TTC7B: variants seen among roughly 807,000 people sequenced by gnomAD.
TTC7B encodes the protein tetratricopeptide repeat domain 7B, also known as tetratricopeptide repeat protein 7B.
Under a neutral mutation model 106.8 loss-of-function variants are expected in TTC7B, and 28 were observed. That is an observed-to-expected ratio of 0.26 (90% confidence interval 0.19 to 0.36). The LOEUF (loss-of-function observed/expected upper bound fraction) is 0.36. Ranked by LOEUF, TTC7B falls within the 10% of genes least tolerant of loss-of-function variation. The pLI, the probability that TTC7B is intolerant of heterozygous loss-of-function variation, is 1.00. For missense variants in TTC7B, 862 were observed against 1,076.4 expected (o/e 0.80, Z 2.79); for synonymous variants, 405 against 430.6 (o/e 0.94, Z 0.74).
chr14:90,701,867 T>C (rs1460264648), intron 5 of TTC7B, among the ~76,000 whole-genome samples: 1 of 150,350 alleles, frequency 6.7e-6, no homozygotes, highest in Non-Finnish European at 1.5e-5. Flanking sequence ...CACTAAGAAG[T>C]GAGGCACAGT....
chr14:90,586,579 G>C (rs1046789590), intron 18 of TTC7B, among the ~76,000 whole-genome samples: 1 of 152,126 alleles, frequency 6.6e-6, no homozygotes, highest in Non-Finnish European at 1.5e-5. Context: ...TGTTCCCCAA[G>C]CTTTAAATGT....
At chr14:90,781,494 G>A (rs1160471455) in intron 2 of TTC7B, among the ~76,000 whole-genome samples, 3 of 152,186 alleles carry the variant, frequency 2.0e-5, no homozygotes, top group Non-Finnish European at 2.9e-5. Context: ...ACAAAACCCT[G>A]CGGCTCCCTT....
intron 16 of TTC7B, among the ~76,000 whole-genome samples, chr14:90,614,560 G>A (rs1892994162): frequency 1.3e-5 from 2 of 152,238 alleles, no homozygotes; most frequent in Admixed American, 1.3e-4. Flanking sequence ...AAAAGAAACT[G>A]GTTGTCAGCT....
chr14:90,571,147 C>T (rs938701481), intron 19 of TTC7B, among the ~76,000 whole-genome samples: 14 of 152,200 alleles, frequency 9.2e-5, no homozygotes, highest in Non-Finnish European at 1.5e-4. Flanking sequence ...GGAGAGCACA[C>T]GCAGCAGACA....
In TTC7B at chr14:90,814,863, G is replaced by A. The variant is rs567413613; in HGVS notation, c.121+1312C>T. Among the ~76,000 whole-genome samples the A allele has an allele frequency of 2.7e-5, 4 of 149,578 alleles. No homozygotes were observed. In the South Asian group the frequency reaches 6.4e-4, roughly 24 times the overall value. Reference sequence around the variant, plus strand: ...CACCAAGTGGAGCCCGTGTAGGGTCGGTGCTATCTCCATGCCCCTGACACA... The same window carrying A: ...CACCAAGTGGAGCCCGTGTAGGGTCAGTGCTATCTCCATGCCCCTGACACA... On this transcript the variant is annotated intron_variant, in intron 1 of 19. Coordinates refer to ENST00000328459, the MANE Select transcript of TTC7B (RefSeq NM_001010854.2).
intron 19 of TTC7B, among the ~76,000 whole-genome samples, chr14:90,573,782 T>C (rs1187118411): frequency 6.6e-6 from 1 of 152,192 alleles, no homozygotes. Flanking sequence ...TCACACCTTT[T>C]CTCAACCTGT....
chr14:90,613,479 A>G (rs1892951762), intron 16 of TTC7B, among the ~76,000 whole-genome samples: 1 of 152,210 alleles, frequency 6.6e-6, no homozygotes. Context: ...CTTCATTTAC[A>G]TGGTATAGAG....
intron 17 of TTC7B, among the ~76,000 whole-genome samples, chr14:90,602,880 G>A (rs1338877481): frequency 6.6e-6 from 1 of 152,168 alleles, no homozygotes; most frequent in Non-Finnish European, 1.5e-5. Flanking sequence ...AGATCCAACT[G>A]GTTCCCTCTA....
At chr14:90,761,172 C>CTCTGTCAAGCT (rs58088192) in intron 3 of TTC7B, among the ~76,000 whole-genome samples, 41,379 of 151,996 alleles carry the variant, frequency 0.27, 9,222 homozygotes, top group African/African-American at 0.62. Context: ...ACTCAACTGC[C>CTCTGTCAAGCT]AATGAAGGAC....
chr14:90,689,796 C>T (rs1173425194), intron 6 of TTC7B, 84 bp from the exon 7 acceptor site: 4 of 1,484,310 alleles, frequency 2.7e-6, no homozygotes, highest in Non-Finnish European at 3.6e-6. Flanking sequence ...ATATTTATAT[C>T]ATCACATTGT....
chr14:90,759,987 G>T lies in TTC7B; in HGVS notation c.446-15065C>A, dbSNP rs1174014360. Among the ~76,000 whole-genome samples, 3 of 152,294 alleles carry T rather than the reference G, an allele frequency of 2.0e-5. No homozygotes were observed. The highest frequency in any genetic ancestry group is 2.1e-4 in the South Asian group (1 of 4,822). On this transcript the variant is annotated intron_variant, in intron 3 of 19. Transcript: ENST00000328459. The surrounding 1 kb of genome is among the most constrained non-coding windows in gnomAD (Gnocchi z 4.1). ...GCACTCACATATTTGCTGATTTAAT[G>T]AATTAATTAATTATACAGTCTAGTT...
In TTC7B at chr14:90,527,172, G is replaced by C. The variant is rs1269775925; in HGVS notation, c.*14196C>G. 2.6e-5 allele frequency: 4 copies of C among 151,884 alleles called. No homozygotes were observed. Among genetic ancestry groups the C allele is most frequent in the African/African-American group, 7.3e-5 (3 of 41,324 alleles). The allele number at this position is 151,884 out of a possible 1,614,324, so 9.4% of individuals were successfully genotyped here. On this transcript the variant is annotated 3_prime_UTR_variant, in exon 20 of 20. Transcript: ENST00000328459. ...GCCCTGCTCACCCCATCATATCTGGGGGTACCTGGTATTCACACGACTCAT... is the reference window on the plus strand; with the variant it reads ...GCCCTGCTCACCCCATCATATCTGGCGGTACCTGGTATTCACACGACTCAT...
At chr14:90,689,829 A>C in intron 6 of TTC7B, 117 bp from the exon 7 acceptor site, 1 of 1,194,328 alleles carries the variant, frequency 8.4e-7, no homozygotes. Context: ...TGCAAGGCTC[A>C]TAATTAAAAA....
chr14:90,628,871 T>C (rs1884566465), intron 15 of TTC7B, among the ~76,000 whole-genome samples: 1 of 152,284 alleles, frequency 6.6e-6, no homozygotes, highest in Non-Finnish European at 1.5e-5. Context: ...CAAGGGACAC[T>C]GAAGGCAGCA....
chr14:90,774,107 A>G (rs545277272), intron 3 of TTC7B, among the ~76,000 whole-genome samples: 1 of 152,166 alleles, frequency 6.6e-6, no homozygotes, highest in Non-Finnish European at 1.5e-5. Context: ...CCTCTTCACC[A>G]TGGTCACTGG....
intron 9 of TTC7B, among the ~76,000 whole-genome samples, chr14:90,661,669 A>G (rs1886212927): frequency 6.6e-6 from 1 of 152,204 alleles, no homozygotes; most frequent in South Asian, 2.1e-4. Flanking sequence ...TACTCAACCA[A>G]TACATTGCAA....
At chr14:90,744,212 G>T (rs1212508677) in intron 4 of TTC7B, among the ~76,000 whole-genome samples, 1 of 152,242 alleles carries the variant, frequency 6.6e-6, no homozygotes, top group Admixed American at 6.5e-5. Context: ...TGGCTGGCCA[G>T]CTTCAGGGTG....
At position 90,657,922 on chromosome 14, in the gene TTC7B, C is replaced by G. The variant is rs139417645; in HGVS notation, c.1236+382G>C. On this transcript the variant is annotated intron_variant, in intron 10 of 19. Coordinates refer to ENST00000328459, the MANE Select transcript of TTC7B (RefSeq NM_001010854.2). This position sits in a 1 kb window ranked among gnomAD's most constrained non-coding sequence, Gnocchi z 4.2. ...GGACTCCCTCAGCCCACATTTTCAT[C>G]CAGTATCATGCACTGCCTAATATAA... is the stretch of plus-strand genomic sequence containing the variant. 359 of 206,174 alleles carry G rather than the reference C, an allele frequency of 1.7e-3. No individual in the cohort carries two copies. Among genetic ancestry groups the G allele is most frequent in the Non-Finnish European group, 3.0e-3 (300 of 100,114 alleles). The allele number at this position is 206,174 out of a possible 1,614,324, so 12.8% of individuals were successfully genotyped here.
Position 90,541,515 on chromosome 14 carries a change from C to T in TTC7B, c.2385G>A (p.Ser795=), listed in dbSNP as rs142524402. 2.0e-5 allele frequency: 32 copies of T among 1,613,814 alleles called. No homozygotes were observed. The highest frequency in any genetic ancestry group is 8.3e-5 in the Admixed American group (5 of 60,002). ...GCCCGTTCCAGACCTCGTGGGCTGT[C>T]GAGTTCACCTGCACCGCGTCCCGGA... ...KILRDAVQVN[S]TAHEVWNGLG... The change falls in exon 20 of 20, where the codon TCG becomes TCA. Residue 795 remains serine, a synonymous_variant. Coordinates refer to ENST00000328459, the MANE Select transcript of TTC7B (RefSeq NM_001010854.2).
Sources: allele counts gnomAD v4.1 joint callset (sites outside exome capture counted in the v4.1 genomes callset), GRCh38; gene constraint gnomAD v4.1.1; non-coding constraint Gnocchi (gnomAD v3.1); transcripts MANE v1.5; gene names NCBI Gene and HGNC (gene_info 2026-07-23, HGNC 2026-07-21).